The following LRP1B variants were observed in gnomAD, a reference collection of about 807,000 sequenced individuals.
LRP1B encodes the protein LDL receptor related protein 1B.
In LRP1B, 217 loss-of-function variants were observed where a neutral mutation model predicts 556.6. The observed-to-expected ratio is 0.39, with a 90% CI of 0.35 to 0.44. The LOEUF (loss-of-function observed/expected upper bound fraction) is 0.44, where lower values mean the gene tolerates loss of function less well. Ranked by LOEUF, LRP1B falls within the 20% of genes least tolerant of loss-of-function variation. LRP1B has a pLI of 1.00. For missense variants in LRP1B, 5,053 were observed against 5,620.8 expected (o/e 0.90, Z 3.23); for synonymous variants, 2,047 against 1,865.8 (o/e 1.10, Z -2.50).
At chr2:140,778,318 G>T (rs1689570523) in intron 32 of LRP1B, among the ~76,000 whole-genome samples, 1 of 152,060 alleles carries the variant, frequency 6.6e-6, no homozygotes, top group Admixed American at 6.6e-5. Context: ...AAAATGAATG[G>T]AATATAAAAA....
chr2:141,113,177 G>A (rs1700797671), intron 7 of LRP1B, among the ~76,000 whole-genome samples: 1 of 152,010 alleles, frequency 6.6e-6, no homozygotes, highest in African/African-American at 2.4e-5. Flanking sequence ...CAGAACACTG[G>A]TCTTTTCAAA....
intron 8 of LRP1B, 110 bp from the exon 9 acceptor site, chr2:141,059,164 G>T (rs1312331706): frequency 3.1e-6 from 2 of 635,592 alleles, no homozygotes; most frequent in South Asian, 3.0e-5. Context: ...CAGAAGAACC[G>T]CAAGGATGTT....
chr2:140,776,333 T>C (rs545637655), intron 32 of LRP1B, 95 bp from the exon 33 acceptor site: 1 of 797,390 alleles, frequency 1.3e-6, no homozygotes, highest in Non-Finnish European at 1.8e-6. Flanking sequence ...CTGATTTCTT[T>C]TGTTATATTT....
chr2:141,471,724 T>C lies in LRP1B; in HGVS notation c.343+8672A>G, dbSNP rs533197656. ...CAGAAAATATGTCTTTCTGAATCCC[T>C]GGTATTTAGCTAAATATCTGGAATA... is the stretch of plus-strand genomic sequence containing the variant. On this transcript the variant is annotated intron_variant, in intron 3 of 90. Transcript: ENST00000389484. Among the ~76,000 whole-genome samples the C allele has an allele frequency of 4.2e-4, 64 of 152,336 alleles. 1 individual carries two copies. The highest frequency in any genetic ancestry group is 1.2e-3 in the African/African-American group (51 of 41,576).
intron 1 of LRP1B, among the ~76,000 whole-genome samples, chr2:141,899,568 T>G (rs1317676175): frequency 6.6e-6 from 1 of 152,050 alleles, no homozygotes; most frequent in Non-Finnish European, 1.5e-5. Context: ...ATTATAACAC[T>G]CCTTTACAGG....
At chr2:140,968,037 G>A (rs200853475) in intron 18 of LRP1B, among the ~76,000 whole-genome samples, 1,926 of 108,240 alleles carry the variant, frequency 0.018, 42 homozygotes, top group Middle Eastern at 0.035. Context: ...AGATGATGCT[G>A]GCCTCATAAA....
chr2:141,801,228 C>T (rs1695996084), intron 2 of LRP1B, among the ~76,000 whole-genome samples: 1 of 151,966 alleles, frequency 6.6e-6, no homozygotes, highest in African/African-American at 2.4e-5. Flanking sequence ...TACTGTTTTC[C>T]TCAGAAAATA....
intron 66 of LRP1B, among the ~76,000 whole-genome samples, chr2:140,432,472 A>T (rs1194433299): frequency 6.6e-6 from 1 of 152,180 alleles, no homozygotes; most frequent in Admixed American, 6.5e-5. Flanking sequence ...TTATTTCTGG[A>T]GGTAGTTTCT....
In LRP1B at chr2:141,414,229, C is replaced by A. The variant is rs529846251; in HGVS notation, c.343+66167G>T. Among the ~76,000 whole-genome samples the A allele has an allele frequency of 3.5e-4, 39 of 112,160 alleles. 1 individual carries two copies. The highest frequency in any genetic ancestry group is 1.5e-3 in the African/African-American group (38 of 26,202). The allele number at this position is 112,160 out of a possible 152,430, so 73.6% of individuals were successfully genotyped here. On this transcript the variant is annotated intron_variant, in intron 3 of 90. Transcript: ENST00000389484. ...TCCAGCCTGGGCGACAAGAGTGAGA[C>A]TCTATCTCAAAAAAAAAAAAAAAAG...
intron 4 of LRP1B, among the ~76,000 whole-genome samples, chr2:141,251,695 A>C (rs1471110477): frequency 6.6e-6 from 1 of 152,154 alleles, no homozygotes; most frequent in Non-Finnish European, 1.5e-5. Context: ...TTCTTCTGAA[A>C]TGACAGCAAA....
chr2:140,689,788 T>C (rs1235338541), intron 41 of LRP1B, among the ~76,000 whole-genome samples: 1 of 152,160 alleles, frequency 6.6e-6, no homozygotes, highest in African/African-American at 2.4e-5. Flanking sequence ...AGGTTTCTAG[T>C]AAAGTTCAAG....
chr2:140,675,945 A>G (rs1436107007), intron 41 of LRP1B, among the ~76,000 whole-genome samples: 1 of 147,182 alleles, frequency 6.8e-6, no homozygotes, highest in African/African-American at 2.4e-5. Flanking sequence ...TGTCTCTGAT[A>G]CAAGTTAGCA....
intron 6 of LRP1B, among the ~76,000 whole-genome samples, chr2:141,205,807 T>TCC (rs1205096829): frequency 6.6e-6 from 1 of 152,168 alleles, no homozygotes; most frequent in Non-Finnish European, 1.5e-5. Context: ...ACTAAATATC[T>TCC]CCCTTTGAGA....
intron 80 of LRP1B, among the ~76,000 whole-genome samples, chr2:140,324,571 TAAAG>T (rs1680352893): frequency 6.6e-6 from 1 of 152,074 alleles, no homozygotes; most frequent in African/African-American, 2.4e-5. Context: ...AGAAGTGGAA[TAAAG>T]AAAACAGTTA....
chr2:140,484,537 G>A (rs1688386092), intron 59 of LRP1B, among the ~76,000 whole-genome samples: 1 of 152,048 alleles, frequency 6.6e-6, no homozygotes, highest in Non-Finnish European at 1.5e-5. Flanking sequence ...CTTTAAATTT[G>A]TTATTTTACC....
chr2:140,526,698 C>CAAAAAA (rs35329112), intron 47 of LRP1B, among the ~76,000 whole-genome samples: 1 of 136,296 alleles, frequency 7.3e-6, no homozygotes, highest in African/African-American at 2.7e-5. Flanking sequence ...AGCACTGAGC[C>CAAAAAA]AAAAAAAAAA....
chr2:141,332,814 C>CAAAAAAA (rs67444878), intron 3 of LRP1B, among the ~76,000 whole-genome samples: 1 of 142,414 alleles, frequency 7.0e-6, no homozygotes, highest in Non-Finnish European at 1.5e-5. Context: ...TTTAAAAATG[C>CAAAAAAA]AAAAAAAAAA....
At chr2:142,088,788 A>G (rs1706046312) in intron 1 of LRP1B, among the ~76,000 whole-genome samples, 2 of 151,952 alleles carry the variant, frequency 1.3e-5, no homozygotes, top group Non-Finnish European at 2.9e-5. Context: ...ATCCTGGCTA[A>G]CACAGTGAAA....
intron 2 of LRP1B, among the ~76,000 whole-genome samples, chr2:141,701,758 C>T (rs1691946862): frequency 6.6e-6 from 1 of 151,870 alleles, no homozygotes; most frequent in African/African-American, 2.4e-5. Context: ...AAACTATAAA[C>T]TAACACGGGA....
Sources: allele counts gnomAD v4.1 joint callset (sites outside exome capture counted in the v4.1 genomes callset), GRCh38; gene constraint gnomAD v4.1.1; transcripts MANE v1.5; gene names NCBI Gene and HGNC (gene_info 2026-07-23, HGNC 2026-07-21).